NID2: variants seen among roughly 807,000 people sequenced by gnomAD.
NID2 encodes the protein nidogen 2, also known as nidogen-2.
In NID2, 83 loss-of-function variants were observed where a neutral mutation model predicts 145.4. That is an observed-to-expected ratio of 0.57 (90% CI 0.48 to 0.69). NID2 has a LOEUF of 0.69. Ranked by LOEUF, NID2 falls within the 30% of genes least tolerant of loss-of-function variation. The pLI, the probability that NID2 is intolerant of heterozygous loss-of-function variation, is 0.00. For missense variants in NID2, 1,807 were observed against 1,765.7 expected (o/e 1.02, Z -0.42); for synonymous variants, 739 against 701.3 (o/e 1.05, Z -0.85).
At chr14:52,025,937 G>C (rs1349233778) in intron 12 of NID2, among the ~76,000 whole-genome samples, 1 of 152,160 alleles carries the variant, frequency 6.6e-6, no homozygotes, top group Admixed American at 6.5e-5. Flanking sequence ...AAAAATAAAA[G>C]GGCTGAACTG....
chr14:52,040,251 ATTT>A (rs11423537), intron 8 of NID2, among the ~76,000 whole-genome samples: 2 of 147,354 alleles, frequency 1.4e-5, no homozygotes, highest in Non-Finnish European at 3.0e-5. Context: ...TCTTTCTGTG[ATTT>A]TTTTTTTTTT....
chr14:52,035,030 T>TC (rs1326740130), intron 9 of NID2, among the ~76,000 whole-genome samples: 1 of 151,820 alleles, frequency 6.6e-6, no homozygotes, highest in Non-Finnish European at 1.5e-5. Flanking sequence ...AGCTCCCATA[T>TC]CCCCCCACCC....
chr14:52,007,684 C>T, intron 19 of NID2, 126 bp downstream of exon 19: 2 of 893,714 alleles, frequency 2.2e-6, no homozygotes, highest in Non-Finnish European at 3.5e-6. Context: ...TTTACTAGTA[C>T]TTAAAAGTTT....
intron 17 of NID2, among the ~76,000 whole-genome samples, 170 bp from the exon 18 acceptor site, chr14:52,011,217 T>C (rs1383233623): frequency 2.0e-5 from 3 of 152,152 alleles, no homozygotes; most frequent in Non-Finnish European, 2.9e-5. Flanking sequence ...TTGTTACATA[T>C]TCCACTACCT....
chr14:52,032,108 G>A (rs917393268), intron 9 of NID2, among the ~76,000 whole-genome samples: 2 of 152,214 alleles, frequency 1.3e-5, no homozygotes, highest in Non-Finnish European at 2.9e-5. Flanking sequence ...ATAGCCTGCT[G>A]TGAGCTGGGA....
At chr14:52,048,036 G>A (rs1270194583) in intron 5 of NID2, among the ~76,000 whole-genome samples, 3 of 152,192 alleles carry the variant, frequency 2.0e-5, no homozygotes, top group Non-Finnish European at 4.4e-5. Flanking sequence ...ACACCAATTG[G>A]TGTTGATAGA....
intron 7 of NID2, among the ~76,000 whole-genome samples, chr14:52,041,671 T>C (rs547602649): frequency 6.6e-6 from 1 of 152,272 alleles, no homozygotes; most frequent in African/African-American, 2.4e-5. Flanking sequence ...GGTTCAAGTC[T>C]GGGGTGCACC....
chr14:52,012,444 A>T (rs999764441), intron 16 of NID2, among the ~76,000 whole-genome samples: 24 of 152,172 alleles, frequency 1.6e-4, no homozygotes, highest in Admixed American at 6.5e-5. Context: ...AAAACAAAAA[A>T]TAAATGAACT....
chr14:52,029,202 C>G (rs1891709213), intron 10 of NID2, among the ~76,000 whole-genome samples: 1 of 152,078 alleles, frequency 6.6e-6, no homozygotes, highest in African/African-American at 2.4e-5. Flanking sequence ...CAATGTCTGT[C>G]TAAAATTTAA....
chr14:52,014,179 C>T (rs1413300329), intron 16 of NID2, 108 bp downstream of exon 16: 7 of 1,445,238 alleles, frequency 4.8e-6, no homozygotes, highest in Non-Finnish European at 5.8e-6. Flanking sequence ...CTCAGAAACC[C>T]TCCAGGACTT....
At chr14:52,019,392 G>C in intron 13 of NID2, 98 bp from the exon 14 acceptor site, 1 of 889,276 alleles carries the variant, frequency 1.1e-6, no homozygotes, top group Non-Finnish European at 1.7e-6. Flanking sequence ...AAAAGCGCTG[G>C]GATTTTGGAG....
chr14:52,050,768 C>T (rs978878612), intron 5 of NID2, among the ~76,000 whole-genome samples: 2 of 152,268 alleles, frequency 1.3e-5, no homozygotes, highest in African/African-American at 4.8e-5. Context: ...CCACCACACC[C>T]GGCTAATTTT....
In NID2 at chr14:52,042,246, C is replaced by G. The variant is rs747257437; in HGVS notation, c.1684G>C (p.Asp562His). 8 of 1,614,192 alleles carry G rather than the reference C, an allele frequency of 5.0e-6. No homozygotes were observed. In the South Asian group the frequency reaches 8.8e-5, roughly 18 times the overall value. The change falls in exon 7 of 22, where the codon GAT (aspartate) becomes CAT (histidine). Residue 562 changes from aspartate (D) to histidine (H), a missense_variant. Transcript: ENST00000216286. ...CTGATGGCCGTGTAGGCTCTGCCATCATTGCCCACGATATACGCATGCAGG... is the reference window on the plus strand; with the variant it reads ...CTGATGGCCGTGTAGGCTCTGCCATGATTGCCCACGATATACGCATGCAGG... ...VDLHAYIVGNDGRAYTAISHI... is the reference protein window; with the variant it reads ...VDLHAYIVGNHGRAYTAISHI...
intron 9 of NID2, among the ~76,000 whole-genome samples, chr14:52,037,108 C>A (rs1198641927): frequency 6.6e-6 from 1 of 152,198 alleles, no homozygotes; most frequent in African/African-American, 2.4e-5. Flanking sequence ...TTAACTCTTA[C>A]ACTTAGGTCT....
chr14:52,041,310 T>G (rs1397442344), intron 7 of NID2, among the ~76,000 whole-genome samples: 1 of 152,228 alleles, frequency 6.6e-6, no homozygotes, highest in Non-Finnish European at 1.5e-5. Flanking sequence ...TACAAATTTA[T>G]CCAGGTGTGC....
intron 9 of NID2, among the ~76,000 whole-genome samples, chr14:52,035,286 C>A (rs1595030232): frequency 6.6e-6 from 1 of 152,202 alleles, no homozygotes; most frequent in Admixed American, 6.5e-5. Flanking sequence ...CCTTCTTCCT[C>A]CTGAACCACT....
intron 16 of NID2, among the ~76,000 whole-genome samples, chr14:52,012,574 G>A (rs1891071892): frequency 7.0e-6 from 1 of 143,790 alleles, no homozygotes; most frequent in Non-Finnish European, 1.5e-5. Context: ...CTGCAGCCTG[G>A]GCAACACAGA....
At chr14:52,049,575 CA>C (rs11316906) in intron 5 of NID2, among the ~76,000 whole-genome samples, 82,661 of 149,178 alleles carry the variant, frequency 0.55, 22,900 homozygotes, top group South Asian at 0.61. Context: ...ACTGCTACCT[CA>C]AAAAAAAAAA....
At chr14:52,030,567 A>AGAAAGAACGAAC (rs66551436) in intron 9 of NID2, among the ~76,000 whole-genome samples, 28 of 99,322 alleles carry the variant, frequency 2.8e-4, no homozygotes, top group African/African-American at 1.0e-3. Context: ...AAAGAAAGAA[A>AGAAAGAACGAAC]GGAAGGAAGG....
Sources: allele counts gnomAD v4.1 joint callset (sites outside exome capture counted in the v4.1 genomes callset), GRCh38; gene constraint gnomAD v4.1.1; transcripts MANE v1.5; gene names NCBI Gene and HGNC (gene_info 2026-07-23, HGNC 2026-07-21).